Variants in YES1 observed in about 807,000 individuals in gnomAD.
YES1 encodes the protein tyrosine-protein kinase Yes.
In YES1, 39 loss-of-function variants were observed where a neutral mutation model predicts 70.4. That is an observed-to-expected ratio of 0.55 (90% CI 0.43 to 0.72). The LOEUF (loss-of-function observed/expected upper bound fraction) is 0.72, where lower values mean the gene tolerates loss of function less well. Ranked by LOEUF, YES1 falls within the 30% of genes least tolerant of loss-of-function variation. YES1 has a pLI of 0.00. For synonymous variants in YES1, 198 were observed against 218.6 expected (o/e 0.91, Z 0.83); for missense variants, 495 against 644.8 (o/e 0.77, Z 2.52).
intron 1 of YES1, among the ~76,000 whole-genome samples, chr18:785,972 C>G (rs1464486124): frequency 6.6e-6 from 1 of 152,122 alleles, no homozygotes; most frequent in Non-Finnish European, 1.5e-5. Flanking sequence ...CACTCTAACC[C>G]TCTCTCAGCC....
At chr18:785,711 G>T (rs1905901945) in intron 1 of YES1, among the ~76,000 whole-genome samples, 1 of 151,958 alleles carries the variant, frequency 6.6e-6, no homozygotes, top group Non-Finnish European at 1.5e-5. Context: ...TCATGGGAGT[G>T]GGTTTGTTAT....
At chr18:757,374 G>A (rs1904331739) in intron 1 of YES1, among the ~76,000 whole-genome samples, 1 of 151,496 alleles carries the variant, frequency 6.6e-6, no homozygotes, top group African/African-American at 2.4e-5. Flanking sequence ...GTGGTGGTGG[G>A]CGCCTGTAGT....
intron 1 of YES1, among the ~76,000 whole-genome samples, chr18:765,624 G>C (rs939353467): frequency 1.3e-5 from 2 of 151,580 alleles, no homozygotes; most frequent in African/African-American, 2.4e-5. Context: ...GGTCTCGAAC[G>C]CCTGACCTTG....
intron 1 of YES1, among the ~76,000 whole-genome samples, chr18:809,907 C>CAGGT (rs1201708801): frequency 2.0e-5 from 3 of 152,106 alleles, no homozygotes; most frequent in Non-Finnish European, 4.4e-5. Flanking sequence ...CTTCAGAAGC[C>CAGGT]AGGTCCCTAT....
intron 1 of YES1, among the ~76,000 whole-genome samples, chr18:793,268 A>T (rs1407606007): frequency 2.0e-5 from 3 of 151,830 alleles, no homozygotes; most frequent in Non-Finnish European, 4.4e-5. Flanking sequence ...CTCAAACTCC[A>T]GACCTCGTGA....
chr18:757,280 G>A (rs929058672), intron 1 of YES1, among the ~76,000 whole-genome samples: 1 of 152,110 alleles, frequency 6.6e-6, no homozygotes, highest in South Asian at 2.1e-4. Context: ...AAGGCGGGCG[G>A]ATCACGAGGT....
intron 1 of YES1, among the ~76,000 whole-genome samples, chr18:792,868 GAA>G (rs567674650): frequency 6.8e-6 from 1 of 147,328 alleles, no homozygotes; most frequent in African/African-American, 2.5e-5. Context: ...CAAGGGGGGG[GAA>G]AAAGCTTAAA....
chr18:778,229 C>T (rs1001538490), intron 1 of YES1, among the ~76,000 whole-genome samples: 1 of 152,232 alleles, frequency 6.6e-6, no homozygotes, highest in African/African-American at 2.4e-5. Flanking sequence ...GACTTCTATA[C>T]TGCATTCTTT....
At chr18:769,241 C>T (rs1401723299) in intron 1 of YES1, among the ~76,000 whole-genome samples, 2 of 152,152 alleles carry the variant, frequency 1.3e-5, no homozygotes, top group Non-Finnish European at 2.9e-5. Flanking sequence ...TTTAAAGTGA[C>T]GTGCGACCGT....
chr18:785,114 T>C (rs1905867791), intron 1 of YES1, among the ~76,000 whole-genome samples: 1 of 152,090 alleles, frequency 6.6e-6, no homozygotes, highest in Admixed American at 6.6e-5. Flanking sequence ...CTATTTTGCT[T>C]ATCTGTGGTG....
chr18:725,078 T>C (rs931964080), intron 11 of YES1, among the ~76,000 whole-genome samples: 8 of 152,232 alleles, frequency 5.3e-5, no homozygotes, highest in African/African-American at 1.4e-4. Flanking sequence ...CATAACTTTA[T>C]ATTGAATTAC....
At position 723,899 on chromosome 18, in the gene YES1, A is replaced by C. The variant is rs2079987897; in HGVS notation, c.*525T>G. Reference sequence around the variant, plus strand: ...AACCTGGCCCATGTCCATGCAAAAGAAAGCATATATTAAGATTGCATACTG... The same window carrying C: ...AACCTGGCCCATGTCCATGCAAAAGCAAGCATATATTAAGATTGCATACTG... On this transcript the variant is annotated 3_prime_UTR_variant, in exon 12 of 12. Transcript: ENST00000314574. 6.5e-6 allele frequency: 1 copy of C among 154,102 alleles called. No homozygotes were observed. The highest frequency in any genetic ancestry group is 1.9e-4 in the East Asian group (1 of 5,232). The allele number at this position is 154,102 out of a possible 1,614,324, so 9.5% of individuals were successfully genotyped here. A position where few individuals can be genotyped will look rare whatever the true frequency, so the allele number is the denominator to read the frequency against.
At chr18:726,163 T>C (rs1372668189) in intron 11 of YES1, among the ~76,000 whole-genome samples, 2 of 152,166 alleles carry the variant, frequency 1.3e-5, no homozygotes, top group East Asian at 3.9e-4. Flanking sequence ...CGGTGGCTCA[T>C]GCCTGTAATC....
chr18:773,993 G>A (rs764529213), intron 1 of YES1, among the ~76,000 whole-genome samples: 4 of 152,018 alleles, frequency 2.6e-5, no homozygotes, highest in South Asian at 2.1e-4. Context: ...CATCTTGCCC[G>A]GCTAATTTTT....
intron 1 of YES1, among the ~76,000 whole-genome samples, chr18:777,814 A>G (rs1443739400): frequency 9.0e-6 from 1 of 110,846 alleles, no homozygotes; most frequent in Non-Finnish European, 2.3e-5. Context: ...CTTAAAAAAA[A>G]AAAAAAAAAA....
chr18:787,345 C>T lies in YES1; in HGVS notation c.-9+24769G>A, dbSNP rs111612318. On this transcript the variant is annotated intron_variant, in intron 1 of 11. Transcript: ENST00000314574. Reference sequence around the variant, plus strand: ...AACTCCTGACCTCAGGTGGTCCGCCCGCCTCGGCCTCCCAAAATGCTGGGG... The same window carrying T: ...AACTCCTGACCTCAGGTGGTCCGCCTGCCTCGGCCTCCCAAAATGCTGGGG... 3.2e-4 allele frequency among the ~76,000 whole-genome samples: 48 copies of T among 151,438 alleles called. 1 individual carries two copies. Among genetic ancestry groups the T allele is most frequent in the African/African-American group, 1.1e-3 (45 of 41,448 alleles).
chr18:732,413 G>A (rs906269686), intron 11 of YES1, among the ~76,000 whole-genome samples: 1 of 146,528 alleles, frequency 6.8e-6, no homozygotes, highest in Non-Finnish European at 1.5e-5. Context: ...CTCCAGCCTG[G>A]GTGACAGAGC....
intron 1 of YES1, among the ~76,000 whole-genome samples, chr18:783,803 C>T (rs1905801310): frequency 1.3e-5 from 2 of 151,956 alleles, no homozygotes; most frequent in Admixed American, 6.6e-5. Flanking sequence ...TTAGTAGAAA[C>T]GGGTTTCACC....
At chr18:804,158 T>C (rs1439005536) in intron 1 of YES1, among the ~76,000 whole-genome samples, 2 of 152,230 alleles carry the variant, frequency 1.3e-5, no homozygotes, top group Non-Finnish European at 2.9e-5. Flanking sequence ...CATACCTTTG[T>C]CAATTAAAAA....
Sources: gnomAD v4.1 joint callset for allele counts (sites outside exome capture counted in the v4.1 genomes callset) on GRCh38, gnomAD v4.1.1 for gene constraint, MANE v1.5 for transcripts, NCBI Gene and HGNC (gene_info 2026-07-23, HGNC 2026-07-21) for gene names.